The following VPS8 variants were observed in gnomAD, a reference collection of about 807,000 sequenced individuals.
VPS8 encodes vacuolar protein sorting-associated protein 8 homolog.
Under a neutral mutation model 216.4 loss-of-function variants are expected in VPS8, and 129 were observed. That is an observed-to-expected ratio of 0.60 (90% CI 0.52 to 0.69). The LOEUF is 0.69. Among genes scored for constraint, VPS8 ranks in the 30% least tolerant of loss-of-function variants. VPS8 has a pLI of 0.00. For missense variants in VPS8, 1,531 were observed against 1,683.5 expected, an observed-to-expected ratio of 0.91 and a Z score of 1.59; for synonymous variants, 571 against 565.4, an observed-to-expected ratio of 1.01 and a Z score of -0.14.
At chr3:184,975,732 C>T (rs1378742134) in intron 40 of VPS8, among the ~76,000 whole-genome samples, 1 of 151,906 alleles carries the variant, frequency 6.6e-6, no homozygotes, top group Non-Finnish European at 1.5e-5. Context: ...TCTTTCTCTG[C>T]CTAATTTATT....
chr3:184,835,709 C>CTTTT (rs34896906), intron 5 of VPS8, among the ~76,000 whole-genome samples: 3 of 126,764 alleles, frequency 2.4e-5, no homozygotes, highest in Non-Finnish European at 3.3e-5. Context: ...TTGGATTTTT[C>CTTTT]TTTTTTTTTT....
At chr3:184,925,592 G>A (rs987011470) in intron 30 of VPS8, among the ~76,000 whole-genome samples, 3 of 151,998 alleles carry the variant, frequency 2.0e-5, no homozygotes, top group Admixed American at 2.0e-4. Context: ...TTCATGTTAG[G>A]TCATACTTAG....
At chr3:184,850,065 C>G in intron 10 of VPS8, 43 bp downstream of exon 10, 3 of 1,492,000 alleles carry the variant, frequency 2.0e-6, no homozygotes, top group Non-Finnish European at 2.7e-6. Flanking sequence ...TTTTATTATG[C>G]CTTTGTGTTT....
chr3:185,048,675 C>A, intron 47 of VPS8, 116 bp downstream of exon 47: 1 of 1,127,534 alleles, frequency 8.9e-7, no homozygotes, highest in South Asian at 1.4e-5. Context: ...GGTGCCCTGG[C>A]ATCCCTGTTA....
At chr3:184,939,369 T>G (rs1437706922) in intron 35 of VPS8, among the ~76,000 whole-genome samples, 1 of 151,964 alleles carries the variant, frequency 6.6e-6, no homozygotes, top group East Asian at 1.9e-4. Context: ...GAGTCCCCCA[T>G]TTTTTACAGA....
In VPS8 at chr3:184,964,471, ACT is replaced by A; in HGVS notation, c.3189_3190del (p.Gln1064GlufsTer6). The A allele has an allele frequency of 6.7e-7, 1 of 1,493,580 alleles. No homozygotes were observed. The highest frequency in any genetic ancestry group is 9.0e-7 in the Non-Finnish European group (1 of 1,112,496). 92.5% of individuals were successfully genotyped at this position (1,493,580 alleles called of 1,614,324 possible). ...CYRLEETIQI[T>X]QKYQLHEVTA... ...ATTTATCTTTTTTATTTCCTAGATT[ACT>A]CAGAAGTATCAACTTCATGAAGTCA... is the stretch of plus-strand genomic sequence containing the variant. On this transcript the variant is annotated frameshift_variant, in exon 38 of 48. Transcript: ENST00000625842. LOFTEE classifies it high-confidence loss of function.
At chr3:184,860,892 G>T (rs888940341) in intron 15 of VPS8, among the ~76,000 whole-genome samples, 1 of 151,434 alleles carries the variant, frequency 6.6e-6, no homozygotes, top group African/African-American at 2.4e-5. Flanking sequence ...TGCGATCTCG[G>T]CTCACTGCAA....
At chr3:184,949,190 G>C (rs1401772528) in intron 36 of VPS8, among the ~76,000 whole-genome samples, 2 of 152,068 alleles carry the variant, frequency 1.3e-5, no homozygotes, top group Non-Finnish European at 2.9e-5. Flanking sequence ...CCAGCTACTT[G>C]GGAGGCTGAT....
intron 47 of VPS8, among the ~76,000 whole-genome samples, chr3:185,051,032 T>TA (rs1482697643): frequency 6.6e-6 from 1 of 152,142 alleles, no homozygotes; most frequent in Non-Finnish European, 1.5e-5. Context: ...GCAGGAAGTC[T>TA]AAGGACCTTG....
chr3:185,027,407 T>C (rs1302088512), intron 46 of VPS8, among the ~76,000 whole-genome samples: 1 of 151,864 alleles, frequency 6.6e-6, no homozygotes, highest in African/African-American at 2.4e-5. Context: ...CACGCCCGGC[T>C]AATTTTTTGT....
chr3:184,926,977 G>C (rs1336032875), intron 31 of VPS8, among the ~76,000 whole-genome samples: 1 of 152,144 alleles, frequency 6.6e-6, no homozygotes, highest in Non-Finnish European at 1.5e-5. Flanking sequence ...GGTAACTACT[G>C]CTAGCTGCTG....
intron 34 of VPS8, among the ~76,000 whole-genome samples, chr3:184,931,575 GAAC>G (rs748836461): frequency 6.6e-6 from 1 of 152,160 alleles, no homozygotes; most frequent in South Asian, 2.1e-4. Context: ...TCAGAGGTGT[GAAC>G]AACATCTTCT....
chr3:184,880,120 A>G (rs1396180025), intron 21 of VPS8, among the ~76,000 whole-genome samples: 2 of 152,192 alleles, frequency 1.3e-5, no homozygotes, highest in Non-Finnish European at 2.9e-5. Context: ...TTGTAAATTC[A>G]TACTCAGTTG....
At chr3:184,886,699 C>A (rs1029489986) in intron 22 of VPS8, among the ~76,000 whole-genome samples, 5 of 152,072 alleles carry the variant, frequency 3.3e-5, no homozygotes, top group African/African-American at 1.2e-4. Context: ...CCTGCCTCAG[C>A]CTCCCTAGTA....
At position 184,849,209 on chromosome 3, in the gene VPS8, C is replaced by A; in HGVS notation, c.666+14C>A. 6.2e-7 allele frequency: 1 copy of A among 1,608,882 alleles called. No homozygotes were observed. ...GCTAAAGGACAGGTAAGATATGAACCTCCTTTAATTCATAAGACAATGTTA... is the reference window on the plus strand; with the variant it reads ...GCTAAAGGACAGGTAAGATATGAACATCCTTTAATTCATAAGACAATGTTA... On this transcript the variant is annotated intron_variant, in intron 9 of 47. Coordinates refer to ENST00000625842, the MANE Select transcript of VPS8 (RefSeq NM_001009921.3).
chr3:184,983,134 T>G (rs370252956), intron 42 of VPS8, 40 bp downstream of exon 42: 4 of 1,484,362 alleles, frequency 2.7e-6, no homozygotes, highest in African/African-American at 1.4e-5. Flanking sequence ...TGATTTCAAC[T>G]AACATTTTAG....
chr3:184,929,073 A>G (rs1452240248), intron 32 of VPS8, among the ~76,000 whole-genome samples: 1 of 152,216 alleles, frequency 6.6e-6, no homozygotes, highest in African/African-American at 2.4e-5. Flanking sequence ...GAAATTTTTT[A>G]TAAACATAAT....
At chr3:185,034,484 T>C (rs2108471364) in intron 46 of VPS8, among the ~76,000 whole-genome samples, 1 of 152,278 alleles carries the variant, frequency 6.6e-6, no homozygotes, top group East Asian at 1.9e-4. Flanking sequence ...TTTTTAATTC[T>C]GTTATTTGGT....
chr3:184,886,394 G>A (rs1009602771), intron 22 of VPS8, among the ~76,000 whole-genome samples: 12 of 151,926 alleles, frequency 7.9e-5, no homozygotes, highest in Middle Eastern at 6.8e-3. Context: ...GATAAAGAAC[G>A]TAACTAGCAA....
Sources: gnomAD v4.1 joint callset for allele counts (sites outside exome capture counted in the v4.1 genomes callset) on GRCh38, gnomAD v4.1.1 for gene constraint, MANE v1.5 for transcripts, NCBI Gene and HGNC (gene_info 2026-07-23, HGNC 2026-07-21) for gene names.